Variants in TMEM51 observed in about 807,000 individuals in gnomAD.
TMEM51 encodes chromosome 1 open reading frame 72.
In TMEM51, 8 loss-of-function variants were observed where a neutral mutation model predicts 13.6. The ratio of observed to expected loss-of-function variants is 0.59; its 90% confidence interval spans 0.35 to 1.07. TMEM51 has a LOEUF of 1.07. Ranked by LOEUF, TMEM51 falls within the 50% of genes least tolerant of loss-of-function variation. The pLI is 0.02. For missense variants in TMEM51, 279 were observed against 330.7 expected, an observed-to-expected ratio of 0.84 and a Z score of 1.21; for synonymous variants, 147 against 144.4, an observed-to-expected ratio of 1.02 and a Z score of -0.13.
At chr1:15,173,501 G>A (rs1198105408) in intron 1 of TMEM51, among the ~76,000 whole-genome samples, 3 of 151,968 alleles carry the variant, frequency 2.0e-5, no homozygotes, top group Non-Finnish European at 2.9e-5. Flanking sequence ...GATTACAGGC[G>A]TGAGCTACTG....
At chr1:15,211,582 G>A (rs1644338894) in intron 2 of TMEM51, among the ~76,000 whole-genome samples, 1 of 152,148 alleles carries the variant, frequency 6.6e-6, no homozygotes, top group Non-Finnish European at 1.5e-5. Context: ...CAGCTGTGGA[G>A]ACTGAAGCAC....
At chr1:15,160,893 G>A (rs553832514) in intron 1 of TMEM51, among the ~76,000 whole-genome samples, 1 of 151,530 alleles carries the variant, frequency 6.6e-6, no homozygotes, top group African/African-American at 2.4e-5. Flanking sequence ...CCCCACGGGA[G>A]GCAGCAGGGA....
At chr1:15,202,920 G>A (rs768933901) in intron 1 of TMEM51, among the ~76,000 whole-genome samples, 1 of 152,144 alleles carries the variant, frequency 6.6e-6, no homozygotes, top group Non-Finnish European at 1.5e-5. Flanking sequence ...TAACTTGAAT[G>A]GCCTTCAGTT....
rs1285583967 is a variant in TMEM51, at chr1:15,215,218, C to T, written c.131C>T (p.Thr44Ile). 6.2e-6 allele frequency: 10 copies of T among 1,614,100 alleles called. No homozygotes were observed. Among genetic ancestry groups the T allele is most frequent in the African/African-American group, 1.3e-5 (1 of 74,934 alleles). ...VPGFSAAEKP[T>I]AQGSNKTEVG... ...GGCTTCAGCGCGGCCGAGAAGCCAACAGCTCAGGGCAGCAACAAGACCGAG... is the reference window on the plus strand; with the variant it reads ...GGCTTCAGCGCGGCCGAGAAGCCAATAGCTCAGGGCAGCAACAAGACCGAG... The change falls in exon 3 of 4, where the codon ACA becomes ATA. Residue 44 changes from threonine to isoleucine, a missense_variant. Coordinates refer to ENST00000376008, the MANE Select transcript of TMEM51 (RefSeq NM_001136218.2).
Position 15,191,274 on chromosome 1 carries a change from G to A in TMEM51, c.-266-19216G>A, listed in dbSNP as rs184015138. 3.7e-3 allele frequency among the ~76,000 whole-genome samples: 562 copies of A among 152,330 alleles called. 6 individuals are homozygous for A. Among genetic ancestry groups the A allele is most frequent in the Middle Eastern group, 0.01 (3 of 294 alleles). ...ATTTCTTCCCTGAAGCCTCCAGAAG[G>A]AACACAGCCGTTGGTCACCTTGATT... On this transcript the variant is annotated intron_variant, in intron 1 of 3. Transcript: ENST00000376008.
intron 1 of TMEM51, among the ~76,000 whole-genome samples, chr1:15,209,164 G>A (rs1049141362): frequency 3.3e-5 from 5 of 151,896 alleles, no homozygotes; most frequent in Non-Finnish European, 4.4e-5. Context: ...TTACCTCCTA[G>A]GCTCAAGCAG....
Position 15,214,952 on chromosome 1 carries a change from C to A in TMEM51, c.-136C>A. 1.2e-6 allele frequency: 1 copy of A among 864,066 alleles called. No individual in the cohort carries two copies. Among genetic ancestry groups the A allele is most frequent in the Non-Finnish European group, 1.7e-6 (1 of 575,518 alleles). The allele number at this position is 864,066 out of a possible 1,614,324, so 53.5% of individuals were successfully genotyped here. On this transcript the variant is annotated 5_prime_UTR_variant, in exon 3 of 4. Transcript: ENST00000376008. ...CTCGCGATTGCTCGGAACCATCCCG[C>A]AGGAGTTCAGCTGATATTTTCTAGT... is the stretch of plus-strand genomic sequence containing the variant.
intron 1 of TMEM51, among the ~76,000 whole-genome samples, chr1:15,176,047 A>G (rs1219783247): frequency 6.6e-6 from 1 of 152,178 alleles, no homozygotes; most frequent in Non-Finnish European, 1.5e-5. Context: ...TTTTCCAGAC[A>G]TCTTGTGATA....
chr1:15,177,218 A>G (rs1643479718), intron 1 of TMEM51, among the ~76,000 whole-genome samples: 1 of 152,198 alleles, frequency 6.6e-6, no homozygotes, highest in South Asian at 2.1e-4. Flanking sequence ...ATTACTCCAT[A>G]TTACATAAAA....
chr1:15,192,461 CT>C (rs1553201486), intron 1 of TMEM51: 28 of 38,346 alleles, frequency 7.3e-4, no homozygotes, highest in South Asian at 2.6e-3. Flanking sequence ...TTTTCTTTTC[CT>C]TTTTTTTTAT....
rs145065603 is a variant in TMEM51 at position 15,180,512 on chromosome 1, T to C, written c.-267+26558T>C. Among the ~76,000 whole-genome samples the C allele has an allele frequency of 5.3e-3, 813 of 152,316 alleles. 8 individuals are homozygous for C. The highest frequency in any genetic ancestry group is 0.018 in the African/African-American group (750 of 41,572). ...AAGCCCTCCAGATAATGATTTTGGCTGTGTGCTGAGGAGCTTTTGTGTTAT... is the reference window on the plus strand; with the variant it reads ...AAGCCCTCCAGATAATGATTTTGGCCGTGTGCTGAGGAGCTTTTGTGTTAT... On this transcript the variant is annotated intron_variant, in intron 1 of 3. Transcript: ENST00000376008.
rs12568022 is a variant in TMEM51 at position 15,170,469 on chromosome 1, C to T, written c.-267+16515C>T. ...GATTACAGGTGCGCACCACCACGCCCGGCTAATTTTTGTATTTTTTGGTAG... is the reference window on the plus strand; with the variant it reads ...GATTACAGGTGCGCACCACCACGCCTGGCTAATTTTTGTATTTTTTGGTAG... On this transcript the variant is annotated intron_variant, in intron 1 of 3. Transcript: ENST00000376008. 0.011 allele frequency among the ~76,000 whole-genome samples: 1,604 copies of T among 151,044 alleles called. 64 individuals are homozygous for T. The East Asian group carries it at 0.12, about 11-fold the overall frequency.
chr1:15,193,575 C>CTTTTTTTTTTTTTTTTTTTTTTT (rs3078881), intron 1 of TMEM51, among the ~76,000 whole-genome samples: 2 of 114,656 alleles, frequency 1.7e-5, no homozygotes, highest in African/African-American at 3.6e-5. Flanking sequence ...TTCTTTCTTT[C>CTTTTTTTTTTTTTTTTTTTTTTT]TTTTTTTTTT....
intron 1 of TMEM51, among the ~76,000 whole-genome samples, chr1:15,198,477 C>T (rs556533771): frequency 3.9e-5 from 6 of 152,026 alleles, no homozygotes; most frequent in East Asian, 3.9e-4. Context: ...AGTGCAGTAG[C>T]GTGATCTCAG....
intron 1 of TMEM51, among the ~76,000 whole-genome samples, chr1:15,199,431 G>A (rs564511425): frequency 3.4e-4 from 52 of 152,196 alleles, no homozygotes; most frequent in Middle Eastern, 3.4e-3. Context: ...CACCACACCC[G>A]GTCAGTTCAC....
At chr1:15,205,404 G>A (rs1043798207) in intron 1 of TMEM51, among the ~76,000 whole-genome samples, 1 of 152,148 alleles carries the variant, frequency 6.6e-6, no homozygotes, top group Non-Finnish European at 1.5e-5. Flanking sequence ...TACTGAGGCT[G>A]AGCCCTCACC....
At chr1:15,213,391 A>G (rs989677385) in intron 2 of TMEM51, among the ~76,000 whole-genome samples, 2 of 152,252 alleles carry the variant, frequency 1.3e-5, no homozygotes, top group African/African-American at 4.8e-5. Context: ...CAGCCTGGTC[A>G]GTCATCCTTT....
At chr1:15,211,977 T>C (rs1208394771) in intron 2 of TMEM51, among the ~76,000 whole-genome samples, 1 of 152,198 alleles carries the variant, frequency 6.6e-6, no homozygotes, top group African/African-American at 2.4e-5. Context: ...CTGAACACAC[T>C]GTTGTTTCAA....
At chr1:15,173,218 T>C (rs1643351605) in intron 1 of TMEM51, among the ~76,000 whole-genome samples, 3 of 25,712 alleles carry the variant, frequency 1.2e-4, no homozygotes, top group African/African-American at 2.3e-4. Flanking sequence ...CATATTCTTT[T>C]TTTTTTTTTT....
Sources: allele counts gnomAD v4.1 joint callset (sites outside exome capture counted in the v4.1 genomes callset), GRCh38; gene constraint gnomAD v4.1.1; transcripts MANE v1.5; gene names NCBI Gene and HGNC (gene_info 2026-07-23, HGNC 2026-07-21).